The following LOC730098 variants were observed in gnomAD, a reference collection of about 807,000 sequenced individuals.
chr9:34,665,734 C>T, the LOC730098 span: 4 of 698,390 alleles, frequency 5.7e-6, no homozygotes, highest in African/African-American at 3.5e-5. Context: ...TCCCCTTCTC[C>T]GTCATTCTCA....
the LOC730098 span, chr9:34,665,575 C>T: frequency 5.7e-6 from 4 of 700,180 alleles, no homozygotes; most frequent in African/African-American, 7.0e-5. Flanking sequence ...ACCCCGGAGC[C>T]GCCTGGTTCC....
chr9:34,664,978 G>C, the LOC730098 span: 1 of 548,652 alleles, frequency 1.8e-6, no homozygotes, highest in Non-Finnish European at 3.2e-6. Flanking sequence ...AGGGGCGCTC[G>C]GCTCGAATGG....
the LOC730098 span, chr9:34,665,444 C>A: frequency 1.4e-5 from 10 of 691,206 alleles, no homozygotes; most frequent in African/African-American, 1.2e-4. Flanking sequence ...GACTCCGCCC[C>A]GCGGTGCCTC....
the LOC730098 span, chr9:34,665,457 C>T: frequency 4.4e-6 from 3 of 688,132 alleles, no homozygotes; most frequent in Non-Finnish European, 7.9e-6. Context: ...GGTGCCTCGC[C>T]GTCGAGGAAG....
chr9:34,665,176 C>T, the LOC730098 span: 1 of 638,978 alleles, frequency 1.6e-6, no homozygotes, highest in Admixed American at 2.4e-5. Context: ...CTTCTGCTCC[C>T]CGGGGTGCGC....
chr9:34,665,540 C>G, the LOC730098 span: 1 of 694,992 alleles, frequency 1.4e-6, no homozygotes, highest in Non-Finnish European at 2.6e-6. Flanking sequence ...CCACCCCTCG[C>G]CCCCGCAGAA....
the LOC730098 span, chr9:34,665,032 G>A: frequency 3.4e-6 from 2 of 595,294 alleles, no homozygotes; most frequent in Non-Finnish European, 3.0e-6. Flanking sequence ...GTGGGCTTCG[G>A]TTTAAATCTT....
the LOC730098 span, chr9:34,665,659 T>G: frequency 1.4e-6 from 1 of 699,458 alleles, no homozygotes. Context: ...ATTCCCGACA[T>G]GTCCTGGGCT....
the LOC730098 span, chr9:34,664,866 T>C: frequency 1.4e-5 from 6 of 421,204 alleles, no homozygotes; most frequent in East Asian, 1.7e-4. Context: ...AGACAGCCAT[T>C]GATAGTAACA....
chr9:34,664,937 CCT>C, the LOC730098 span: 1 of 475,990 alleles, frequency 2.1e-6, no homozygotes, highest in African/African-American at 2.0e-5. Context: ...GGAGGGACGC[CCT>C]GTCAGTACGG....
At chr9:34,664,944 G>T in the LOC730098 span, 1 of 521,826 alleles carries the variant, frequency 1.9e-6, no homozygotes, top group Non-Finnish European at 3.4e-6. Flanking sequence ...CGCCCTGTCA[G>T]TACGGAACAG....
the LOC730098 span, chr9:34,665,139 G>C: frequency 1.6e-6 from 1 of 616,070 alleles, no homozygotes; most frequent in East Asian, 2.7e-5. Flanking sequence ...TGGACAGACA[G>C]CTCATCAGGC....
At chr9:34,665,607 A>T in the LOC730098 span, 1 of 635,870 alleles carries the variant, frequency 1.6e-6, no homozygotes, top group East Asian at 3.0e-5. Context: ...ACCCGCCTCC[A>T]CTCACTCCTC....
chr9:34,665,809 C>T, the LOC730098 span: 2 of 630,954 alleles, frequency 3.2e-6, no homozygotes, highest in African/African-American at 3.7e-5. Context: ...CAGTTGCCAC[C>T]ACGGGACAGG....
chr9:34,665,116 G>A, the LOC730098 span: 1 of 605,174 alleles, frequency 1.7e-6, no homozygotes, highest in Non-Finnish European at 2.9e-6. Context: ...CTGGGGAGTA[G>A]GACCCAGGCC....
At chr9:34,665,451 C>A in the LOC730098 span, 1 of 689,278 alleles carries the variant, frequency 1.5e-6, no homozygotes, top group Non-Finnish European at 2.6e-6. Flanking sequence ...CCCCGCGGTG[C>A]CTCGCCGTCG....
At chr9:34,665,564 C>G in the LOC730098 span, 5 of 700,340 alleles carry the variant, frequency 7.1e-6, no homozygotes, top group Admixed American at 4.0e-5. Context: ...CACCCTCCCC[C>G]ACCCCGGAGC....
the LOC730098 span, chr9:34,665,705 G>C: frequency 1.4e-6 from 1 of 700,778 alleles, no homozygotes; most frequent in South Asian, 1.5e-5. Flanking sequence ...GATTGAATCA[G>C]GGATTCCCTA....
At chr9:34,665,476 C>T in the LOC730098 span, 1 of 695,874 alleles carries the variant, frequency 1.4e-6, no homozygotes, top group East Asian at 2.7e-5. Flanking sequence ...AGGCTCCGCC[C>T]CGCCTCTAAA....
Sources: allele counts gnomAD v4.1 joint callset, GRCh38; gene constraint gnomAD v4.1.1; transcripts MANE v1.5.